CD6: variants seen among roughly 807,000 people sequenced by gnomAD.
CD6 encodes CD6 molecule, also known as T-cell differentiation antigen CD6.
CD6 carries 53 observed loss-of-function variants against 75.3 expected under a neutral mutation model. That is an observed-to-expected ratio of 0.70 (90% confidence interval 0.56 to 0.88). The LOEUF is 0.88. CD6 is among the 40% of genes least tolerant of loss of function. The pLI is 0.00. For missense variants in CD6, 770 were observed against 897.1 expected, an observed-to-expected ratio of 0.86 and a Z score of 1.81; for synonymous variants, 359 against 381.5, an observed-to-expected ratio of 0.94 and a Z score of 0.69.
At chr11:60,981,805 A>C (rs939865827) in intron 1 of CD6, among the ~76,000 whole-genome samples, 4 of 152,152 alleles carry the variant, frequency 2.6e-5, no homozygotes, top group African/African-American at 9.7e-5. Flanking sequence ...GCCAGGAGGC[A>C]GGATGCAGGG....
chr11:61,011,774 C>T (rs992059515), intron 6 of CD6, among the ~76,000 whole-genome samples: 5 of 152,212 alleles, frequency 3.3e-5, no homozygotes, highest in Admixed American at 3.3e-4. Context: ...TCAGAGCAGA[C>T]TCCCAGGACT....
chr11:60,975,356 AGGTTT>A (rs1857325712), intron 1 of CD6, among the ~76,000 whole-genome samples: 1 of 152,266 alleles, frequency 6.6e-6, no homozygotes, highest in Admixed American at 6.5e-5. Flanking sequence ...AATATGCAAC[AGGTTT>A]TGAAGATGAG....
In CD6 at chr11:61,015,710, C is replaced by T. The variant is rs756168817; in HGVS notation, c.1388-3C>T. 1 of 1,614,228 alleles carries T rather than the reference C, an allele frequency of 6.2e-7. No homozygotes were observed. Among genetic ancestry groups the T allele is most frequent in the African/African-American group, 1.3e-5 (1 of 75,070 alleles). On this transcript the variant is annotated splice_polypyrimidine_tract_variant and splice_region_variant and intron_variant, in intron 8 of 12. Transcript: ENST00000313421. ...CATGCCCTCGACTCTGTTCTCTCCC[C>T]AGTTTTCATGCTGCCCATCCAGGTC...
In CD6 at chr11:61,017,569, G is replaced by T; in HGVS notation, c.1582+19G>T. On this transcript the variant is annotated intron_variant, in intron 10 of 12. Transcript: ENST00000313421. ...GAGGAAGGTGAGTCAGGATGGGAAG[G>T]GGTGTGAATGGCAGTCCCACCTCCA... The T allele has an allele frequency of 1.3e-6, 2 of 1,559,414 alleles. No homozygotes were observed. Among genetic ancestry groups the T allele is most frequent in the South Asian group, 1.2e-5 (1 of 85,934 alleles).
intron 1 of CD6, among the ~76,000 whole-genome samples, chr11:61,001,347 C>T (rs184660603): frequency 6.6e-5 from 10 of 152,012 alleles, no homozygotes; most frequent in African/African-American, 2.4e-4. Flanking sequence ...GAACTACAGG[C>T]ACCTGCCACC....
chr11:61,002,354 A>G (rs1858624173), intron 1 of CD6, among the ~76,000 whole-genome samples: 1 of 152,008 alleles, frequency 6.6e-6, no homozygotes, highest in Non-Finnish European at 1.5e-5. Flanking sequence ...GGTGTTCAAG[A>G]CCCAACCTGG....
At chr11:60,984,938 C>T (rs1857743177) in intron 1 of CD6, 1 of 152,188 alleles carries the variant, frequency 6.6e-6, no homozygotes, top group Admixed American at 6.5e-5. Flanking sequence ...GGAATTAATC[C>T]AAGGGAAATG....
intron 1 of CD6, among the ~76,000 whole-genome samples, chr11:60,992,520 T>C (rs2135081106): frequency 6.6e-6 from 1 of 152,094 alleles, no homozygotes; most frequent in African/African-American, 2.4e-5. Context: ...ACCTACTGAA[T>C]GGGAATTCTA....
rs1272333558 is a variant in CD6 at position 61,007,519 on chromosome 11, CA to C, written c.119-40del. ...GGCAGAGCCTGGGCAACCCTCTGCC[CA>C]GGCCCCACCGGTCTCAGCTCTCTGG... On this transcript the variant is annotated intron_variant, in intron 2 of 12. Transcript: ENST00000313421. This position sits in a 1 kb window ranked among gnomAD's most constrained non-coding sequence, Gnocchi z 4.2. 1 of 1,391,556 alleles carries C rather than the reference CA, an allele frequency of 7.2e-7. No homozygotes were observed. Among genetic ancestry groups the C allele is most frequent in the Non-Finnish European group, 9.4e-7 (1 of 1,063,744 alleles). 86.2% of individuals were successfully genotyped at this position (1,391,556 alleles called of 1,614,324 possible).
Position 61,019,482 on chromosome 11 carries a change from C to T in CD6, c.*164C>T, listed in dbSNP as rs1460360916. The T allele has an allele frequency of 4.0e-6, 2 of 500,944 alleles. No homozygotes were observed. The highest frequency in any genetic ancestry group is 6.9e-6 in the Non-Finnish European group (2 of 291,082). 31.0% of individuals were successfully genotyped at this position (500,944 alleles called of 1,614,324 possible). On this transcript the variant is annotated 3_prime_UTR_variant, in exon 13 of 13. Coordinates refer to ENST00000313421, the MANE Select transcript of CD6 (RefSeq NM_006725.5). ...GTTATACCTTGTACCCCTCGGTCTC[C>T]ATCCATCAAGCCAAACCTGCTGCCA...
intron 1 of CD6, among the ~76,000 whole-genome samples, chr11:60,977,067 C>T (rs977862666): frequency 2.6e-5 from 4 of 152,052 alleles, no homozygotes; most frequent in African/African-American, 9.7e-5. Flanking sequence ...CGGGGTAGCT[C>T]CTAGGGTGCT....
intron 4 of CD6, among the ~76,000 whole-genome samples, chr11:61,009,116 G>A (rs1158134021): frequency 6.6e-6 from 1 of 152,162 alleles, no homozygotes; most frequent in African/African-American, 2.4e-5. Context: ...CATTAAAAGT[G>A]AGACTCTTCC....
chr11:60,991,536 G>A (rs921922489), intron 1 of CD6, among the ~76,000 whole-genome samples: 7 of 152,024 alleles, frequency 4.6e-5, no homozygotes, highest in African/African-American at 1.4e-4. Flanking sequence ...TTCCATCTAC[G>A]ATACATATAT....
In CD6 at chr11:61,015,194, G is replaced by A. The variant is rs182448761; in HGVS notation, c.1388-519G>A. Among the ~76,000 whole-genome samples, 14 of 152,330 alleles carry A rather than the reference G, an allele frequency of 9.2e-5. No homozygotes were observed. In the East Asian group the frequency reaches 1.2e-3, roughly 13 times the overall value. ...ACATATAGTAAGTGCTGTGTTAAGC[G>A]TTTGCTAAATAAATGTTTAGTTCTC... On this transcript the variant is annotated intron_variant, in intron 8 of 12. Coordinates refer to ENST00000313421, the MANE Select transcript of CD6 (RefSeq NM_006725.5).
At chr11:60,993,674 A>C (rs2135087010) in intron 1 of CD6, among the ~76,000 whole-genome samples, 1 of 152,268 alleles carries the variant, frequency 6.6e-6, no homozygotes, top group South Asian at 2.1e-4. Flanking sequence ...CTGTCCCCAG[A>C]GTCCCTGTCT....
In CD6 at chr11:61,013,543, T is replaced by C. The variant is rs1401854988; in HGVS notation, c.1271T>C (p.Leu424Ser). 1.2e-6 allele frequency: 2 copies of C among 1,613,788 alleles called. No individual in the cohort carries two copies. Among genetic ancestry groups the C allele is most frequent in the Non-Finnish European group, 1.7e-6 (2 of 1,179,876 alleles). The change falls in exon 7 of 13, where the codon TTG becomes TCG. Residue 424 changes from leucine (L) to serine (S), a missense_variant. Physicochemically the swap from Leu to Ser is moderately radical, Grantham distance 145. Transcript: ENST00000313421. ...CTCATCTTCATAGCCTTCATCCTCTTGAGAATTAAAGGAAAATATGGTAAG... is the reference window on the plus strand; with the variant it reads ...CTCATCTTCATAGCCTTCATCCTCTCGAGAATTAAAGGAAAATATGGTAAG... ...GSLIFIAFIL[L>S]RIKGKYALPV...
chr11:61,017,777 C>G lies in CD6; in HGVS notation c.1601C>G (p.Ala534Gly). 1 of 1,614,096 alleles carries G rather than the reference C, an allele frequency of 6.2e-7. No individual in the cohort carries two copies. The highest frequency in any genetic ancestry group is 1.3e-5 in the African/African-American group (1 of 75,002). ...PLEEGLEELH[A>G]SHIPTANPGH... ...GCCTTAGGACTTGAAGAGTTGCATG[C>G]CTCCCACATCCCAACTGCCAACCCT... Residue 534 changes from alanine (A) to glycine (G), a missense_variant, in exon 11 of 13, where the codon GCC (alanine) becomes GGC (glycine). Transcript: ENST00000313421.
intron 1 of CD6, among the ~76,000 whole-genome samples, chr11:60,991,149 C>CTTTTTTTTTTTTTT (rs58123378): frequency 4.4e-5 from 5 of 114,712 alleles, no homozygotes; most frequent in African/African-American, 6.6e-5. Flanking sequence ...CTTTTTCTTT[C>CTTTTTTTTTTTTTT]TTTTTTTTTT....
intron 1 of CD6, among the ~76,000 whole-genome samples, chr11:60,992,276 C>T (rs980283366): frequency 6.6e-6 from 1 of 151,546 alleles, no homozygotes; most frequent in African/African-American, 2.4e-5. Flanking sequence ...CCTCCTGCCT[C>T]AGCCACTGAA....
Sources: gnomAD v4.1 joint callset for allele counts (sites outside exome capture counted in the v4.1 genomes callset) on GRCh38, gnomAD v4.1.1 for gene constraint, Gnocchi (gnomAD v3.1) non-coding constraint, MANE v1.5 for transcripts, NCBI Gene and HGNC (gene_info 2026-07-23, HGNC 2026-07-21) for gene names.